The following LDLRAD4 variants were observed in gnomAD, a reference collection of about 807,000 sequenced individuals.
The protein encoded by LDLRAD4 is low density lipoprotein receptor class A domain containing 4.
In LDLRAD4, 5 loss-of-function variants were observed where a neutral mutation model predicts 17.0. The ratio of observed to expected loss-of-function variants is 0.29; its 90% confidence interval spans 0.15 to 0.62. The LOEUF (loss-of-function observed/expected upper bound fraction) is 0.62, where lower values mean the gene tolerates loss of function less well. Ranked by LOEUF, LDLRAD4 falls within the 20% of genes least tolerant of loss-of-function variation. The pLI, the probability that LDLRAD4 is intolerant of heterozygous loss-of-function variation, is 0.84. For synonymous variants in LDLRAD4, 168 were observed against 171.8 expected (o/e 0.98, Z 0.17); for missense variants, 340 against 424.7 (o/e 0.80, Z 1.75).
chr18:13,454,043 C>T (rs996329661), intron 3 of LDLRAD4, among the ~76,000 whole-genome samples: 12 of 152,378 alleles, frequency 7.9e-5, no homozygotes, highest in Admixed American at 7.8e-4. Context: ...CCCAGCTTCT[C>T]ATGGTGGTTT....
intron 1 of LDLRAD4, among the ~76,000 whole-genome samples, chr18:13,346,676 G>A (rs1267556794): frequency 6.6e-6 from 1 of 152,146 alleles, no homozygotes; most frequent in African/African-American, 2.4e-5. Context: ...TGACAGTGGG[G>A]TGTTAAAGTC....
chr18:13,220,419 T>C (rs1489685096), intron 1 of LDLRAD4, among the ~76,000 whole-genome samples: 2 of 152,234 alleles, frequency 1.3e-5, no homozygotes, highest in Non-Finnish European at 2.9e-5. Context: ...GGCAGGTTTT[T>C]AGGGCTGTCT....
chr18:13,423,154 C>G (rs2089635633), intron 2 of LDLRAD4, among the ~76,000 whole-genome samples: 1 of 152,088 alleles, frequency 6.6e-6, no homozygotes, highest in African/African-American at 2.4e-5. Context: ...ACATTTTTGG[C>G]CTTTAAGGGA....
chr18:13,316,718 G>A lies in LDLRAD4; in HGVS notation c.-383+38530G>A, dbSNP rs555562305. 9.2e-5 allele frequency among the ~76,000 whole-genome samples: 14 copies of A among 152,260 alleles called. No individual in the cohort carries two copies. In the East Asian group the frequency reaches 2.7e-3, roughly 29 times the overall value. On this transcript the variant is annotated intron_variant, in intron 1 of 5. Coordinates refer to ENST00000359446, the Ensembl canonical transcript of LDLRAD4. ...AGCTGTTGGAGAACTAATTTCTCTT[G>A]GGAACTAGTGAGTTAGGACACATGT... is the stretch of plus-strand genomic sequence containing the variant.
intron 3 of LDLRAD4, among the ~76,000 whole-genome samples, chr18:13,579,506 G>A (rs919817007): frequency 5.9e-5 from 9 of 152,188 alleles, no homozygotes; most frequent in Non-Finnish European, 2.9e-5. Context: ...TGACCAGTAA[G>A]GGGAGAGAAT....
At chr18:13,580,232 T>A (rs900691708) in intron 3 of LDLRAD4, among the ~76,000 whole-genome samples, 1 of 152,230 alleles carries the variant, frequency 6.6e-6, no homozygotes, top group Admixed American at 6.5e-5. Flanking sequence ...CAGGACAGGA[T>A]GAAGCACCAG....
At chr18:13,278,539 CTG>C (rs1229937651) in intron 1 of LDLRAD4, among the ~76,000 whole-genome samples, 1 of 152,220 alleles carries the variant, frequency 6.6e-6, no homozygotes, top group Non-Finnish European at 1.5e-5. Context: ...CTCAGTTCAT[CTG>C]TGATTTTAGT....
rs190213283 is a variant in LDLRAD4 at position 13,373,392 on chromosome 18, C to G, written c.-382-13949C>G. Among the ~76,000 whole-genome samples the G allele has an allele frequency of 6.6e-5, 10 of 152,210 alleles. No homozygotes were observed. In the East Asian group the frequency reaches 1.7e-3, roughly 26 times the overall value. ...GTGGAATGAAAATGTGCGTCACAGA[C>G]TGTATGTTCAATGTTTTCTTTAGCT... On this transcript the variant is annotated intron_variant, in intron 1 of 5. Coordinates refer to ENST00000359446, the Ensembl canonical transcript of LDLRAD4.
chr18:13,538,733 C>A (rs934946438), intron 3 of LDLRAD4, among the ~76,000 whole-genome samples: 3 of 152,182 alleles, frequency 2.0e-5, no homozygotes, highest in African/African-American at 7.2e-5. Context: ...ACCACGTTGA[C>A]TGAGTTGGTC....
At chr18:13,335,172 A>G (rs970359710) in intron 1 of LDLRAD4, among the ~76,000 whole-genome samples, 1 of 152,016 alleles carries the variant, frequency 6.6e-6, no homozygotes, top group Non-Finnish European at 1.5e-5. Flanking sequence ...ATTTTTCCTA[A>G]TAGTAACCTT....
At chr18:13,455,059 G>A (rs12960760) in intron 3 of LDLRAD4, among the ~76,000 whole-genome samples, 60,891 of 152,110 alleles carry the variant, frequency 0.4, 13,663 homozygotes, top group Non-Finnish European at 0.5. Flanking sequence ...GGCGAAGCTG[G>A]TGGATGCTGG....
At chr18:13,515,382 T>C (rs1250139733) in intron 3 of LDLRAD4, 1 of 152,262 alleles carries the variant, frequency 6.6e-6, no homozygotes, top group Non-Finnish European at 1.5e-5. Flanking sequence ...GTGGTGGTTC[T>C]TGCATGTCAC....
intron 3 of LDLRAD4, among the ~76,000 whole-genome samples, chr18:13,571,659 T>C (rs1253943569): frequency 2.6e-5 from 4 of 152,156 alleles, no homozygotes; most frequent in South Asian, 2.1e-4. Context: ...TATTTTGAGA[T>C]GGATTCTCGC....
intron 1 of LDLRAD4, among the ~76,000 whole-genome samples, chr18:13,379,634 G>T (rs1044502483): frequency 6.6e-6 from 1 of 152,240 alleles, no homozygotes; most frequent in African/African-American, 2.4e-5. Context: ...AATACTGAAT[G>T]AAGAGATGCA....
At chr18:13,564,389 G>A (rs571109813) in intron 3 of LDLRAD4, among the ~76,000 whole-genome samples, 4 of 95,484 alleles carry the variant, frequency 4.2e-5, no homozygotes, top group East Asian at 3.1e-4. Flanking sequence ...CCTTGCCAGC[G>A]CGTATACTGA....
chr18:13,459,650 T>A (rs2092333996), intron 3 of LDLRAD4, among the ~76,000 whole-genome samples: 1 of 152,194 alleles, frequency 6.6e-6, no homozygotes, highest in African/African-American at 2.4e-5. Flanking sequence ...CCCAAAGTGC[T>A]GGGATTACAG....
intron 1 of LDLRAD4, among the ~76,000 whole-genome samples, chr18:13,380,635 T>C (rs1375060735): frequency 6.6e-6 from 1 of 152,242 alleles, no homozygotes; most frequent in African/African-American, 2.4e-5. Context: ...TCCAACTTGG[T>C]TTGAATATAG....
rs759672017 is a variant in LDLRAD4 at position 13,381,076 on chromosome 18, G to GTTTTTTTT, written c.-382-6256_-382-6249dup. Among the ~76,000 whole-genome samples the GTTTTTTTT allele has an allele frequency of 9.3e-4, 120 of 128,442 alleles. 15 individuals are homozygous for GTTTTTTTT. The highest frequency in any genetic ancestry group is 1.8e-3 in the African/African-American group (60 of 34,172). 84.3% of individuals were successfully genotyped at this position (128,442 alleles called of 152,430 possible). On this transcript the variant is annotated intron_variant, in intron 1 of 5. Transcript: ENST00000359446. ...TGTCCCTTTCTTTTGTTTCTCTTTAGTTTTTTTTTTTTTTTTGAAGAGACA... is the reference window on the plus strand; with the variant it reads ...TGTCCCTTTCTTTTGTTTCTCTTTAGTTTTTTTTTTTTTTTTTTTTTTTTGAAGAGACA...
At chr18:13,417,828 ATGTGTGTGTGTGTTG>A (rs1302619940) in intron 2 of LDLRAD4, among the ~76,000 whole-genome samples, 3 of 151,902 alleles carry the variant, frequency 2.0e-5, no homozygotes, top group Non-Finnish European at 4.4e-5. Flanking sequence ...TTGTAGGTAA[ATGTGTGTGTGTGTTG>A]TGTGTGTGTG....
Sources: allele counts gnomAD v4.1 joint callset (sites outside exome capture counted in the v4.1 genomes callset), GRCh38; gene constraint gnomAD v4.1.1; transcripts MANE v1.5; gene names NCBI Gene and HGNC (gene_info 2026-07-23, HGNC 2026-07-21).